The following PTPRN2 variants were observed in gnomAD, a reference collection of about 807,000 sequenced individuals.
PTPRN2 encodes the protein protein tyrosine phosphatase receptor type N2.
A neutral mutation model predicts 118.8 loss-of-function variants in PTPRN2; 74 were observed. The ratio of observed to expected loss-of-function variants is 0.62; its 90% CI spans 0.52 to 0.76. The LOEUF (loss-of-function observed/expected upper bound fraction) is 0.76. Ranked by LOEUF, PTPRN2 falls within the 30% of genes least tolerant of loss-of-function variation. The pLI is 0.00. For missense variants in PTPRN2, 1,481 were observed against 1,394.4 expected, an observed-to-expected ratio of 1.06 and a Z score of -0.99; for synonymous variants, 641 against 608.0, an observed-to-expected ratio of 1.05 and a Z score of -0.80.
At chr7:157,698,536 C>CTT (rs1307976446) in intron 12 of PTPRN2, among the ~76,000 whole-genome samples, 1 of 152,210 alleles carries the variant, frequency 6.6e-6, no homozygotes, top group Non-Finnish European at 1.5e-5. Context: ...GATGTTTAGA[C>CTT]TTTTCTTCCC....
chr7:157,718,849 A>C (rs1799080087), intron 12 of PTPRN2, among the ~76,000 whole-genome samples: 1 of 151,068 alleles, frequency 6.6e-6, no homozygotes, highest in African/African-American at 2.4e-5. Context: ...CCAGTGTCCG[A>C]CCTCTGGGGC....
chr7:158,409,337 G>A (rs1813841410), intron 2 of PTPRN2, among the ~76,000 whole-genome samples: 1 of 152,238 alleles, frequency 6.6e-6, no homozygotes, highest in African/African-American at 2.4e-5. Context: ...CAGGCAGTGA[G>A]CAGGCTGGGG....
In PTPRN2 at chr7:158,447,552, C is replaced by T. The variant is rs182442782; in HGVS notation, c.163+42183G>A. On this transcript the variant is annotated intron_variant, in intron 2 of 22. Coordinates refer to ENST00000389418, the MANE Select transcript of PTPRN2 (RefSeq NM_002847.5). ...AGCCACACATGCTGCCCACGCGGCC[C>T]GATAAGGCCGACCCGCCCAGCTTGC... is the stretch of plus-strand genomic sequence containing the variant. Among the ~76,000 whole-genome samples, 685 of 152,264 alleles carry T rather than the reference C, an allele frequency of 4.5e-3. 8 individuals are homozygous for T. Among genetic ancestry groups the T allele is most frequent in the African/African-American group, 0.016 (659 of 41,558 alleles).
At chr7:157,681,246 G>T (rs551097297) in intron 13 of PTPRN2, among the ~76,000 whole-genome samples, 1 of 152,288 alleles carries the variant, frequency 6.6e-6, no homozygotes, top group East Asian at 1.9e-4. Flanking sequence ...CTCACGCATG[G>T]AACAGAACTG....
intron 2 of PTPRN2, among the ~76,000 whole-genome samples, chr7:158,350,726 C>T (rs1046642761): frequency 6.6e-6 from 1 of 152,154 alleles, no homozygotes; most frequent in Non-Finnish European, 1.5e-5. Context: ...GTGGATCAGT[C>T]GCTCATCACC....
chr7:158,583,240 T>C (rs909400599), intron 1 of PTPRN2, among the ~76,000 whole-genome samples: 1 of 151,494 alleles, frequency 6.6e-6, no homozygotes, highest in Non-Finnish European at 1.5e-5. Flanking sequence ...TACCACAGAG[T>C]TCATCAGAAG....
chr7:157,973,204 G>T (rs940139036), intron 11 of PTPRN2, among the ~76,000 whole-genome samples: 11 of 152,196 alleles, frequency 7.2e-5, no homozygotes, highest in Non-Finnish European at 1.5e-5. Context: ...GGGCCTTCGA[G>T]GGATGAAGCA....
At chr7:157,835,461 G>C (rs542487625) in intron 12 of PTPRN2, among the ~76,000 whole-genome samples, 2 of 152,288 alleles carry the variant, frequency 1.3e-5, no homozygotes, top group Non-Finnish European at 2.9e-5. Context: ...AAAGCTCTTC[G>C]AGAATCACGA....
At chr7:158,384,076 C>T (rs1005175544) in intron 2 of PTPRN2, among the ~76,000 whole-genome samples, 2 of 152,164 alleles carry the variant, frequency 1.3e-5, no homozygotes, top group African/African-American at 2.4e-5. Flanking sequence ...TCTGTCTCAT[C>T]GCTGGTCATC....
At chr7:158,251,502 G>A (rs1796659635) in intron 3 of PTPRN2, among the ~76,000 whole-genome samples, 1 of 150,280 alleles carries the variant, frequency 6.7e-6, no homozygotes, top group South Asian at 2.1e-4. Context: ...GTGTGTGCAG[G>A]TGTGCAATGG....
chr7:157,954,710 G>A (rs1300757947), intron 11 of PTPRN2, among the ~76,000 whole-genome samples: 2 of 152,230 alleles, frequency 1.3e-5, no homozygotes, highest in South Asian at 2.1e-4. Flanking sequence ...CCTCCCTGCC[G>A]AGCCCCAGAA....
chr7:157,970,911 G>A (rs1430282988), intron 11 of PTPRN2, among the ~76,000 whole-genome samples: 2 of 152,250 alleles, frequency 1.3e-5, no homozygotes, highest in South Asian at 2.1e-4. Context: ...CTGCACGCAC[G>A]AGGCACCACT....
intron 12 of PTPRN2, among the ~76,000 whole-genome samples, chr7:157,850,233 C>T (rs1177558046): frequency 6.6e-6 from 1 of 152,090 alleles, no homozygotes; most frequent in Admixed American, 6.6e-5. Context: ...AAGTGCGGAG[C>T]CTCAGGCTCA....
At chr7:157,947,098 C>G (rs977759666) in intron 11 of PTPRN2, among the ~76,000 whole-genome samples, 1 of 152,162 alleles carries the variant, frequency 6.6e-6, no homozygotes, top group African/African-American at 2.4e-5. Flanking sequence ...GGGAGCTGCC[C>G]TGCAGAGCTG....
chr7:158,383,426 T>C (rs1448336980), intron 2 of PTPRN2, among the ~76,000 whole-genome samples: 2 of 152,182 alleles, frequency 1.3e-5, no homozygotes, highest in Admixed American at 1.3e-4. Flanking sequence ...TTCCAAAGTA[T>C]AATATACTCT....
chr7:158,152,173 C>CAAAA (rs56870265), intron 6 of PTPRN2, among the ~76,000 whole-genome samples: 11 of 83,358 alleles, frequency 1.3e-4, no homozygotes, highest in East Asian at 4.0e-4. Flanking sequence ...GACTCTGTCT[C>CAAAA]AAAAAAAAAA....
chr7:158,586,784 C>A (rs909478351), intron 1 of PTPRN2, among the ~76,000 whole-genome samples: 2 of 152,178 alleles, frequency 1.3e-5, no homozygotes, highest in African/African-American at 4.8e-5. Context: ...CAGGTAGAAG[C>A]GGGTGCAGCG....
intron 12 of PTPRN2, among the ~76,000 whole-genome samples, chr7:157,740,840 G>A (rs555971835): frequency 6.6e-6 from 1 of 152,214 alleles, no homozygotes; most frequent in South Asian, 2.1e-4. Context: ...AAGCAGATTC[G>A]TTCTTCAGAT....
intron 5 of PTPRN2, among the ~76,000 whole-genome samples, chr7:158,171,161 T>C (rs868462149): frequency 1.6e-5 from 2 of 125,622 alleles, no homozygotes; most frequent in Admixed American, 8.5e-5. Context: ...CACATATATA[T>C]ACACACATAT....
Sources: allele counts gnomAD v4.1 joint callset (sites outside exome capture counted in the v4.1 genomes callset), GRCh38; gene constraint gnomAD v4.1.1; transcripts MANE v1.5; gene names NCBI Gene and HGNC (gene_info 2026-07-23, HGNC 2026-07-21).